The following CCSER1 variants were observed in gnomAD, a reference collection of about 807,000 sequenced individuals.
The protein encoded by CCSER1 is coiled-coil serine rich protein 1.
A neutral mutation model predicts 82.0 loss-of-function variants in CCSER1; 41 were observed. The observed-to-expected ratio is 0.50, with a 90% confidence interval of 0.39 to 0.65. The LOEUF (loss-of-function observed/expected upper bound fraction) is 0.65. CCSER1 is among the 30% of genes least tolerant of loss of function. CCSER1 has a pLI of 0.00. For missense variants in CCSER1, 1,119 were observed against 1,064.2 expected (o/e 1.05, Z -0.72); for synonymous variants, 414 against 383.9 (o/e 1.08, Z -0.92).
At chr4:90,153,789 G>T (rs575633641) in intron 1 of CCSER1, among the ~76,000 whole-genome samples, 1 of 152,280 alleles carries the variant, frequency 6.6e-6, no homozygotes, top group Admixed American at 6.5e-5. Flanking sequence ...TTAGCCGTTT[G>T]TCAGATGAGT....
intron 10 of CCSER1, among the ~76,000 whole-genome samples, chr4:91,154,341 T>C (rs1238841067): frequency 2.0e-5 from 3 of 152,010 alleles, no homozygotes; most frequent in Non-Finnish European, 4.4e-5. Flanking sequence ...TGGTATGCCA[T>C]TTGCTAAGAC....
chr4:90,625,402 G>A (rs1288789450), intron 5 of CCSER1, among the ~76,000 whole-genome samples: 1 of 152,096 alleles, frequency 6.6e-6, no homozygotes, highest in Non-Finnish European at 1.5e-5. Context: ...AAAGACAATG[G>A]CAATCAGCAT....
At chr4:91,529,348 G>A (rs1272153687) in intron 10 of CCSER1, among the ~76,000 whole-genome samples, 1 of 152,062 alleles carries the variant, frequency 6.6e-6, no homozygotes, top group East Asian at 1.9e-4. Context: ...TTTACTGCAA[G>A]ACCCATGTAG....
chr4:90,439,421 A>C (rs1759533762), intron 4 of CCSER1, among the ~76,000 whole-genome samples: 1 of 152,246 alleles, frequency 6.6e-6, no homozygotes, highest in Admixed American at 6.5e-5. Context: ...AATATATCTT[A>C]AAATACTATT....
chr4:90,996,393 A>G (rs1737497669), intron 9 of CCSER1, among the ~76,000 whole-genome samples: 1 of 152,146 alleles, frequency 6.6e-6, no homozygotes, highest in Non-Finnish European at 1.5e-5. Flanking sequence ...TACCCCATTA[A>G]TAGGTAAATA....
chr4:90,539,766 A>G (rs1560685954), intron 5 of CCSER1, among the ~76,000 whole-genome samples: 1 of 152,132 alleles, frequency 6.6e-6, no homozygotes, highest in Admixed American at 6.6e-5. Flanking sequence ...CCAGCAAACA[A>G]TCATCCAACC....
intron 10 of CCSER1, among the ~76,000 whole-genome samples, chr4:91,154,135 C>A (rs557160726): frequency 6.6e-6 from 1 of 152,126 alleles, no homozygotes; most frequent in South Asian, 2.1e-4. Flanking sequence ...AGGCAGGCCT[C>A]CTTGAGCTGT....
chr4:91,193,814 T>C (rs1735191366), intron 10 of CCSER1, among the ~76,000 whole-genome samples: 1 of 119,214 alleles, frequency 8.4e-6, no homozygotes, highest in Admixed American at 8.3e-5. Flanking sequence ...TTCCTGTTTG[T>C]TTTATTGATT....
intron 3 of CCSER1, among the ~76,000 whole-genome samples, chr4:90,363,463 C>G (rs1032447808): frequency 4.6e-5 from 7 of 152,042 alleles, no homozygotes; most frequent in African/African-American, 1.7e-4. Context: ...TACACCAGAT[C>G]TGTTGGGGGG....
intron 10 of CCSER1, among the ~76,000 whole-genome samples, chr4:91,096,775 A>T (rs1473862707): frequency 1.3e-5 from 2 of 152,156 alleles, no homozygotes; most frequent in Non-Finnish European, 2.9e-5. Flanking sequence ...ACAAAATATC[A>T]TGCTCACACC....
At chr4:90,260,203 A>G (rs1255759576) in intron 1 of CCSER1, among the ~76,000 whole-genome samples, 1 of 152,078 alleles carries the variant, frequency 6.6e-6, no homozygotes, top group Non-Finnish European at 1.5e-5. Context: ...AGGGTTGTAT[A>G]TTTCTAAGAA....
intron 5 of CCSER1, among the ~76,000 whole-genome samples, chr4:90,621,469 T>A (rs1722310332): frequency 6.6e-6 from 1 of 151,948 alleles, no homozygotes; most frequent in Non-Finnish European, 1.5e-5. Flanking sequence ...TTCTGGGTTT[T>A]TTTTTTTTCA....
chr4:90,169,343 C>T (rs1731181982), intron 1 of CCSER1, among the ~76,000 whole-genome samples: 1 of 152,122 alleles, frequency 6.6e-6, no homozygotes, highest in South Asian at 2.1e-4. Context: ...TGAGACTTTG[C>T]TGAAGTTGCC....
chr4:91,126,097 T>C (rs1336402543), intron 10 of CCSER1, among the ~76,000 whole-genome samples: 1 of 151,680 alleles, frequency 6.6e-6, no homozygotes, highest in African/African-American at 2.4e-5. Context: ...TATATTTCTA[T>C]CTAAGATAAA....
chr4:90,538,343 T>G (rs1775686321), intron 5 of CCSER1, among the ~76,000 whole-genome samples: 1 of 152,260 alleles, frequency 6.6e-6, no homozygotes, highest in Non-Finnish European at 1.5e-5. Context: ...TTAATTTAAT[T>G]TACATAGTAT....
intron 1 of CCSER1, among the ~76,000 whole-genome samples, chr4:90,136,959 CA>C (rs1316122760): frequency 6.6e-6 from 1 of 152,042 alleles, no homozygotes; most frequent in Non-Finnish European, 1.5e-5. Context: ...GGTAAAGTTT[CA>C]ATATATTTTA....
At chr4:91,420,862 C>T (rs1214694708) in intron 10 of CCSER1, among the ~76,000 whole-genome samples, 1 of 152,086 alleles carries the variant, frequency 6.6e-6, no homozygotes, top group East Asian at 1.9e-4. Flanking sequence ...TGGAAAATGT[C>T]TTTTAGTCAT....
intron 1 of CCSER1, among the ~76,000 whole-genome samples, chr4:90,243,064 T>C (rs200571398): frequency 1.1e-3 from 142 of 123,984 alleles, no homozygotes; most frequent in African/African-American, 1.6e-3. Context: ...CTCTCTCTCT[T>C]TTTTTTTTTT....
At chr4:91,106,906 C>A (rs1725672409) in intron 10 of CCSER1, among the ~76,000 whole-genome samples, 1 of 152,152 alleles carries the variant, frequency 6.6e-6, no homozygotes, top group African/African-American at 2.4e-5. Context: ...ATGATTCAAT[C>A]AAATATAGCC....
Sources: gnomAD v4.1 joint callset for allele counts (sites outside exome capture counted in the v4.1 genomes callset) on GRCh38, gnomAD v4.1.1 for gene constraint, MANE v1.5 for transcripts, NCBI Gene and HGNC (gene_info 2026-07-23, HGNC 2026-07-21) for gene names.